DAB1: variants seen among roughly 807,000 people sequenced by gnomAD.
DAB1 encodes the protein DAB adaptor protein 1, also known as disabled homolog 1.
DAB1 carries 15 observed loss-of-function variants against 64.6 expected under a neutral mutation model. The observed-to-expected ratio is 0.23, with a 90% CI of 0.16 to 0.36. DAB1 has a LOEUF of 0.36. Among genes scored for constraint, DAB1 ranks in the 10% least tolerant of loss-of-function variants. The pLI is 1.00. For missense variants in DAB1, 596 were observed against 706.7 expected (o/e 0.84, Z 1.78); for synonymous variants, 235 against 251.9 (o/e 0.93, Z 0.64).
At chr1:57,275,706 T>C (rs1482020167) in intron 2 of DAB1, among the ~76,000 whole-genome samples, 1 of 152,196 alleles carries the variant, frequency 6.6e-6, no homozygotes, top group African/African-American at 2.4e-5. Context: ...TGGCAAATCT[T>C]AATTCCCGTG....
intron 6 of DAB1, among the ~76,000 whole-genome samples, chr1:57,777,141 C>CTTTTT (rs71051255): frequency 1.1e-5 from 1 of 90,400 alleles, no homozygotes; most frequent in Non-Finnish European, 2.1e-5. Flanking sequence ...TTCTGAATTT[C>CTTTTT]TTTTTTTTTT....
At chr1:57,125,492 T>C (rs1657057195) in intron 4 of DAB1, among the ~76,000 whole-genome samples, 2 of 151,890 alleles carry the variant, frequency 1.3e-5, no homozygotes, top group African/African-American at 4.8e-5. Flanking sequence ...TATCATATAA[T>C]CTCTCTGAAA....
chr1:57,813,388 A>G (rs536339059), intron 6 of DAB1, among the ~76,000 whole-genome samples: 1 of 152,350 alleles, frequency 6.6e-6, no homozygotes, highest in South Asian at 2.1e-4. Flanking sequence ...ATATTTTCAA[A>G]TATCTCAAAC....
chr1:58,085,831 T>C (rs959497292), intron 5 of DAB1, among the ~76,000 whole-genome samples: 7 of 152,182 alleles, frequency 4.6e-5, no homozygotes, highest in African/African-American at 1.7e-4. Flanking sequence ...ATGTATTTAA[T>C]TACACAGTTT....
At chr1:58,231,051 A>G (rs1473369228) in intron 4 of DAB1, among the ~76,000 whole-genome samples, 3 of 152,258 alleles carry the variant, frequency 2.0e-5, no homozygotes, top group African/African-American at 7.2e-5. Context: ...TGCCAACTTC[A>G]TAAGATTATT....
At chr1:57,554,962 G>T (rs1459120850) in intron 7 of DAB1, among the ~76,000 whole-genome samples, 1 of 151,542 alleles carries the variant, frequency 6.6e-6, no homozygotes, top group Non-Finnish European at 1.5e-5. Flanking sequence ...GGTGACTCAG[G>T]CTAAATCTAG....
chr1:57,319,541 T>C lies in DAB1; in HGVS notation c.-136-28375A>G, dbSNP rs558779364. Reference sequence around the variant, plus strand: ...CTGTTTCTTAACACAAAACACCCCCTCCCCCAATTCAGGTATTTTGTGTGA... The same window carrying C: ...CTGTTTCTTAACACAAAACACCCCCCCCCCCAATTCAGGTATTTTGTGTGA... On this transcript the variant is annotated intron_variant, in intron 1 of 14. Coordinates refer to ENST00000371236, the MANE Select transcript of DAB1 (RefSeq NM_001365792.1). Among the ~76,000 whole-genome samples, 251 of 152,150 alleles carry C rather than the reference T, an allele frequency of 1.6e-3. 2 individuals are homozygous for C. Among genetic ancestry groups the C allele is most frequent in the African/African-American group, 5.6e-3 (232 of 41,496 alleles).
At chr1:57,154,390 G>C (rs1473500035) in intron 2 of DAB1, among the ~76,000 whole-genome samples, 1 of 152,126 alleles carries the variant, frequency 6.6e-6, no homozygotes, top group Admixed American at 6.5e-5. Context: ...TTTTATGACG[G>C]AATAGTACTC....
At chr1:57,014,212 G>A (rs1368718424) in intron 12 of DAB1, among the ~76,000 whole-genome samples, 3 of 152,200 alleles carry the variant, frequency 2.0e-5, no homozygotes, top group Non-Finnish European at 4.4e-5. Flanking sequence ...CACAAAACTG[G>A]TCAGTAATAA....
intron 1 of DAB1, among the ~76,000 whole-genome samples, chr1:57,400,634 G>A (rs1433548410): frequency 1.3e-5 from 2 of 151,210 alleles, no homozygotes; most frequent in South Asian, 2.1e-4. Flanking sequence ...ACAGTTCCAC[G>A]GAGGTCTCTC....
chr1:58,071,157 A>C (rs1169301006), intron 5 of DAB1, among the ~76,000 whole-genome samples: 1 of 152,134 alleles, frequency 6.6e-6, no homozygotes, highest in East Asian at 1.9e-4. Context: ...GGCAGGAGGA[A>C]ACGAGGAAAA....
intron 1 of DAB1, among the ~76,000 whole-genome samples, chr1:57,838,314 GA>G (rs1034686699): frequency 6.6e-6 from 1 of 152,028 alleles, no homozygotes; most frequent in African/African-American, 2.4e-5. Flanking sequence ...CATTTACATG[GA>G]AAAAAATTCT....
chr1:58,228,592 A>G, intron 4 of DAB1: 2 of 536,290 alleles, frequency 3.7e-6, no homozygotes, highest in Non-Finnish European at 6.6e-6. Flanking sequence ...CCCTGCATCT[A>G]GGGCTTTCTT....
chr1:57,985,004 G>T (rs546066176), intron 5 of DAB1, among the ~76,000 whole-genome samples: 1 of 152,092 alleles, frequency 6.6e-6, no homozygotes, highest in East Asian at 1.9e-4. Flanking sequence ...CGCCTCCCAG[G>T]TTCAGGTGAT....
chr1:57,773,284 A>G (rs934616122), intron 6 of DAB1, among the ~76,000 whole-genome samples: 1 of 151,916 alleles, frequency 6.6e-6, no homozygotes, highest in Non-Finnish European at 1.5e-5. Flanking sequence ...TTTGAATTAA[A>G]TGTTCAAATA....
intron 2 of DAB1, among the ~76,000 whole-genome samples, chr1:57,150,050 T>C (rs1426896471): frequency 6.6e-6 from 1 of 152,166 alleles, no homozygotes; most frequent in African/African-American, 2.4e-5. Context: ...CTTGATGGTC[T>C]AGAACATGAG....
intron 5 of DAB1, among the ~76,000 whole-genome samples, chr1:58,068,540 C>T (rs1430812332): frequency 1.4e-4 from 22 of 151,870 alleles, no homozygotes; most frequent in African/African-American, 5.1e-4. Context: ...CAGAGGCGGG[C>T]GGATCACGAG....
chr1:58,126,048 C>G (rs1339658917), intron 5 of DAB1, among the ~76,000 whole-genome samples: 1 of 152,022 alleles, frequency 6.6e-6, no homozygotes, highest in African/African-American at 2.4e-5. Flanking sequence ...TATATAAGAC[C>G]CCTTCCACCC....
At chr1:57,999,088 C>T (rs1435911433) in intron 5 of DAB1, among the ~76,000 whole-genome samples, 1 of 152,158 alleles carries the variant, frequency 6.6e-6, no homozygotes, top group East Asian at 1.9e-4. Flanking sequence ...ATTTTTAATC[C>T]TCGCTGTTCC....
Sources: gnomAD v4.1 joint callset for allele counts (sites outside exome capture counted in the v4.1 genomes callset) on GRCh38, gnomAD v4.1.1 for gene constraint, MANE v1.5 for transcripts, NCBI Gene and HGNC (gene_info 2026-07-23, HGNC 2026-07-21) for gene names.